DCT: variants seen among roughly 807,000 people sequenced by gnomAD.
DCT encodes the protein L-dopachrome tautomerase.
In DCT, 47 loss-of-function variants were observed where a neutral mutation model predicts 53.0. That is an observed-to-expected ratio of 0.89 (90% CI 0.70 to 1.13). The LOEUF (loss-of-function observed/expected upper bound fraction) is 1.13, where lower values mean the gene tolerates loss of function less well. DCT is among the 50% of genes most tolerant of loss of function. The pLI is 0.00. For synonymous variants in DCT, 244 were observed against 237.0 expected (o/e 1.03, Z -0.27); for missense variants, 669 against 637.4 (o/e 1.05, Z -0.53).
chr13:94,445,870 C>T, intron 6 of DCT: 1 of 713,764 alleles, frequency 1.4e-6, no homozygotes, highest in Non-Finnish European at 2.4e-6. Flanking sequence ...TTCCTGGAGG[C>T]AGGGGAGAAA....
chr13:94,460,041 C>A, intron 6 of DCT, 50 bp downstream of exon 6: 1 of 1,563,314 alleles, frequency 6.4e-7, no homozygotes, highest in Non-Finnish European at 8.8e-7. Context: ...AAAAATAAAT[C>A]TGACATATTA....
the DCT span, among the ~76,000 whole-genome samples, chr13:94,537,841 G>A: frequency 0.11 from 17,289 of 152,066 alleles, 2,241 homozygotes; most frequent in African/African-American, 0.32. Flanking sequence ...GCTCTCAGAA[G>A]AGTTGATTCT....
chr13:94,544,433 C>T, the DCT span, among the ~76,000 whole-genome samples: 3 of 152,140 alleles, frequency 2.0e-5, no homozygotes, highest in Non-Finnish European at 2.9e-5. Flanking sequence ...AATATTTGTG[C>T]TCCCTGCTTT....
Position 94,439,935 on chromosome 13 carries a change from G to C in DCT, c.1523C>G (p.Thr508Arg), listed in dbSNP as rs769758058. Residue 508 changes from threonine (T) to arginine (R), a missense_variant, in exon 8 of 8, where the codon ACA becomes AGA. Physicochemically the swap from Thr to Arg is moderately conservative, Grantham distance 71 (BLOSUM62 -1). Coordinates refer to ENST00000377028, the MANE Select transcript of DCT (RefSeq NM_001922.5). The stretch of plus-strand genomic sequence containing the variant: ...TGTGTATCTCTTGCTGCTTAAATGT[G>C]TCTCCATTAGGGGTGTATATCCTTT... ...LRKGYTPLME[T>R]HLSSKRYTEE... 5 of 1,613,906 alleles carry C rather than the reference G, an allele frequency of 3.1e-6. No individual in the cohort carries two copies. The South Asian group carries it at 5.5e-5, about 18-fold the overall frequency.
At chr13:94,464,592 A>G (rs1335887696) in intron 4 of DCT, among the ~76,000 whole-genome samples, 1 of 152,094 alleles carries the variant, frequency 6.6e-6, no homozygotes, top group Non-Finnish European at 1.5e-5. Flanking sequence ...GTGAGCCGAG[A>G]TCACGTCACT....
chr13:94,483,485 T>C (rs929308742), upstream of DCT, among the ~76,000 whole-genome samples: 1 of 151,340 alleles, frequency 6.6e-6, no homozygotes, highest in African/African-American at 2.4e-5. Context: ...TTCCTTTTCA[T>C]TTTCTTTCAT....
At chr13:94,445,383 T>C (rs1371539055) in intron 6 of DCT, among the ~76,000 whole-genome samples, 1 of 152,206 alleles carries the variant, frequency 6.6e-6, no homozygotes, top group African/African-American at 2.4e-5. Flanking sequence ...GCAGTCCAGC[T>C]GTCCTGAGGC....
chr13:94,465,966 TTTTATATATATATATATATATATA>T (rs1884167986), intron 3 of DCT, among the ~76,000 whole-genome samples, 167 bp from the exon 4 acceptor site: 1 of 94,682 alleles, frequency 1.1e-5, no homozygotes, highest in Non-Finnish European at 2.0e-5. Flanking sequence ...TGTGTGTATA[TTTTATATATATATATATATATATA>T]TATATATATA....
chr13:94,480,487 C>T (rs549453745), upstream of DCT, among the ~76,000 whole-genome samples: 1 of 152,238 alleles, frequency 6.6e-6, no homozygotes, highest in African/African-American at 2.4e-5. Context: ...CACAAGGATG[C>T]GAAACGGCTT....
chr13:94,546,536 C>T, the DCT span, among the ~76,000 whole-genome samples: 1 of 152,250 alleles, frequency 6.6e-6, no homozygotes, highest in African/African-American at 2.4e-5. The surrounding 1 kb of genome is among the most constrained non-coding windows in gnomAD (Gnocchi z 4.2). Context: ...TTCCCCCACC[C>T]ACACCAATAG....
the DCT span, among the ~76,000 whole-genome samples, chr13:94,488,723 TACACACACACACACAC>T: frequency 0.012 from 1,720 of 139,216 alleles, 31 homozygotes; most frequent in African/African-American, 0.044. Context: ...GTCTAATATA[TACACACACACACACAC>T]ACACACACAC....
At chr13:94,496,002 A>G in the DCT span, among the ~76,000 whole-genome samples, 2 of 152,108 alleles carry the variant, frequency 1.3e-5, no homozygotes, top group African/African-American at 4.8e-5. Context: ...ATCGTTGCCA[A>G]TTGACTCTTC....
At chr13:94,512,497 A>G in the DCT span, among the ~76,000 whole-genome samples, 2 of 152,250 alleles carry the variant, frequency 1.3e-5, no homozygotes, top group African/African-American at 2.4e-5. Flanking sequence ...AAATATGTCA[A>G]TAGGAATTAT....
chr13:94,548,981 G>A, the DCT span, among the ~76,000 whole-genome samples: 2 of 151,488 alleles, frequency 1.3e-5, no homozygotes, highest in Non-Finnish European at 3.0e-5. Context: ...TGCGGATCTG[G>A]GGACTGTACT....
chr13:94,513,453 C>A, the DCT span, among the ~76,000 whole-genome samples: 1 of 152,154 alleles, frequency 6.6e-6, no homozygotes, highest in Non-Finnish European at 1.5e-5. Flanking sequence ...TAAATTTTAG[C>A]ACACCAAGCA....
At chr13:94,470,113 A>AAG (rs1365506083) in intron 1 of DCT, among the ~76,000 whole-genome samples, 1 of 152,106 alleles carries the variant, frequency 6.6e-6, no homozygotes. Context: ...AAGAGAAAGA[A>AAG]AGAGAGAGAG....
At chr13:94,528,331 T>C in the DCT span, among the ~76,000 whole-genome samples, 1 of 151,876 alleles carries the variant, frequency 6.6e-6, no homozygotes, top group Non-Finnish European at 1.5e-5. Flanking sequence ...CCAAGACACA[T>C]AATTGTCAGA....
the DCT span, among the ~76,000 whole-genome samples, chr13:94,547,339 A>G: frequency 6.6e-6 from 1 of 151,774 alleles, no homozygotes; most frequent in African/African-American, 2.4e-5. Flanking sequence ...CTGGTCTCAA[A>G]CTTCTGACCT....
At chr13:94,528,031 G>A in the DCT span, among the ~76,000 whole-genome samples, 1 of 152,144 alleles carries the variant, frequency 6.6e-6, no homozygotes, top group African/African-American at 2.4e-5. Flanking sequence ...GTGGAAGAAA[G>A]GATCTCAGTG....
Sources: allele counts gnomAD v4.1 joint callset (sites outside exome capture counted in the v4.1 genomes callset), GRCh38; gene constraint gnomAD v4.1.1; non-coding constraint Gnocchi (gnomAD v3.1); transcripts MANE v1.5; gene names NCBI Gene and HGNC (gene_info 2026-07-23, HGNC 2026-07-21).